ZNF573: variants seen among roughly 807,000 people sequenced by gnomAD.
ZNF573 encodes the protein zinc finger protein 573.
ZNF573 carries 41 observed loss-of-function variants against 57.4 expected under a neutral mutation model. The observed-to-expected ratio is 0.71, with a 90% CI of 0.56 to 0.93. ZNF573 has a LOEUF of 0.93. Among genes scored for constraint, ZNF573 ranks in the 40% least tolerant of loss-of-function variants. The pLI is 0.00. For missense variants in ZNF573, 730 were observed against 794.8 expected, an observed-to-expected ratio of 0.92 and a Z score of 0.98; for synonymous variants, 249 against 261.0, an observed-to-expected ratio of 0.95 and a Z score of 0.44.
intron 1 of ZNF573, among the ~76,000 whole-genome samples, chr19:37,775,926 A>C (rs2045704284): frequency 1.3e-5 from 2 of 152,146 alleles, no homozygotes; most frequent in South Asian, 4.1e-4. Flanking sequence ...ATACCTAATC[A>C]AGGAGGTGAA....
chr19:37,767,609 A>G (rs535114117), intron 4 of ZNF573, among the ~76,000 whole-genome samples: 2 of 152,248 alleles, frequency 1.3e-5, no homozygotes, highest in South Asian at 4.2e-4. Context: ...TCTGAAATAA[A>G]GTTCCTTGCC....
intron 4 of ZNF573, among the ~76,000 whole-genome samples, chr19:37,760,270 C>T (rs774348143): frequency 4.0e-5 from 6 of 151,538 alleles, no homozygotes; most frequent in African/African-American, 7.2e-5. Flanking sequence ...GATTCCAGGG[C>T]TATGGCAAAG....
chr19:37,775,831 T>A lies in ZNF573; in HGVS notation c.-22-2080A>T, dbSNP rs1337418950. On this transcript the variant is annotated intron_variant, in intron 1 of 4. Transcript: ENST00000536220. ...ATCAAATCAAGAACTCAACCTCTTT[T>A]ACAACAGCTGCAAAAAAAAAAAAAA... Among the ~76,000 whole-genome samples, 13 of 121,304 alleles carry A rather than the reference T, an allele frequency of 1.1e-4. No homozygotes were observed. The East Asian group carries it at 3.2e-3, about 30-fold the overall frequency. The allele number at this position is 121,304 out of a possible 152,430, so 79.6% of individuals were successfully genotyped here. A position where few individuals can be genotyped will look rare whatever the true frequency, so the allele number is the denominator to read the frequency against.
chr19:37,741,682 A>C (rs2045328689), intron 4 of ZNF573, among the ~76,000 whole-genome samples: 1 of 152,164 alleles, frequency 6.6e-6, no homozygotes, highest in African/African-American at 2.4e-5. Context: ...AACATATCTC[A>C]ATAATAGCTA....
In ZNF573 at chr19:37,772,441, T is replaced by C. The variant is rs2045667383; in HGVS notation, c.70-745A>G. Among the ~76,000 whole-genome samples, 5 of 151,748 alleles carry C rather than the reference T, an allele frequency of 3.3e-5. No individual in the cohort carries two copies. The South Asian group carries it at 1.0e-3, about 32-fold the overall frequency. ...AGCCACTGCACCTGGCCAATCTCCATATTTAAAAAAAAAAGCTTTTGCAGA... is the reference window on the plus strand; with the variant it reads ...AGCCACTGCACCTGGCCAATCTCCACATTTAAAAAAAAAAGCTTTTGCAGA... On this transcript the variant is annotated intron_variant, in intron 2 of 4. Coordinates refer to ENST00000536220, the MANE Select transcript of ZNF573 (RefSeq NM_001172690.2).
intron 4 of ZNF573, among the ~76,000 whole-genome samples, chr19:37,743,774 G>A (rs1167290639): frequency 6.6e-6 from 1 of 152,196 alleles, no homozygotes; most frequent in Non-Finnish European, 1.5e-5. Flanking sequence ...TAAAGAAAAT[G>A]TGGTACATAT....
At chr19:37,746,520 A>G (rs2045383972) in intron 4 of ZNF573, among the ~76,000 whole-genome samples, 1 of 152,316 alleles carries the variant, frequency 6.6e-6, no homozygotes, top group East Asian at 1.9e-4. Flanking sequence ...TGGATAGACA[A>G]AAAGACAATT....
intron 4 of ZNF573, among the ~76,000 whole-genome samples, chr19:37,746,741 G>A (rs1368105909): frequency 6.6e-6 from 1 of 152,004 alleles, no homozygotes; most frequent in South Asian, 2.1e-4. Context: ...GCGCCTCCAC[G>A]CCCAGCTAAT....
chr19:37,745,871 C>A (rs1415630663), intron 4 of ZNF573, among the ~76,000 whole-genome samples: 1 of 152,106 alleles, frequency 6.6e-6, no homozygotes, highest in Non-Finnish European at 1.5e-5. Flanking sequence ...GTCTGATTAA[C>A]CAAAGACAAT....
intron 4 of ZNF573, among the ~76,000 whole-genome samples, chr19:37,764,390 G>C (rs1053777064): frequency 6.8e-6 from 1 of 146,642 alleles, no homozygotes; most frequent in African/African-American, 2.5e-5. Flanking sequence ...GCCCGATCTC[G>C]GCTCACTGCA....
At chr19:37,755,666 T>A (rs2045480688) in intron 4 of ZNF573, among the ~76,000 whole-genome samples, 1 of 151,934 alleles carries the variant, frequency 6.6e-6, no homozygotes. Context: ...TGGCCTTAAA[T>A]ACTGAAGAGA....
intron 4 of ZNF573, among the ~76,000 whole-genome samples, chr19:37,767,364 G>T (rs1423267696): frequency 1.3e-5 from 2 of 152,056 alleles, no homozygotes; most frequent in Non-Finnish European, 2.9e-5. Context: ...GAGTAGCTGG[G>T]ACTACAGGCG....
At chr19:37,747,537 T>TA (rs1426962300) in intron 4 of ZNF573, among the ~76,000 whole-genome samples, 2 of 152,206 alleles carry the variant, frequency 1.3e-5, no homozygotes, top group Non-Finnish European at 2.9e-5. Flanking sequence ...GGGCTAGACT[T>TA]AACAAGTTGT....
At chr19:37,743,407 A>G (rs983509516) in intron 4 of ZNF573, among the ~76,000 whole-genome samples, 3 of 152,152 alleles carry the variant, frequency 2.0e-5, no homozygotes, top group Non-Finnish European at 2.9e-5. Flanking sequence ...ATCAGAGATC[A>G]TCAGAGAAAT....
intron 2 of ZNF573, chr19:37,772,926 T>C: frequency 1.0e-6 from 1 of 985,108 alleles, no homozygotes; most frequent in Non-Finnish European, 1.2e-6. Flanking sequence ...TGAGCCACCG[T>C]AGCTAGCCTA....
rs1346164067 is a variant in ZNF573 at position 37,739,836 on chromosome 19, A to G, written c.654T>C (p.Tyr218=). 132 of 1,613,952 alleles carry G rather than the reference A, an allele frequency of 8.2e-5. No homozygotes were observed. The highest frequency in any genetic ancestry group is 1.1e-4 in the Non-Finnish European group (131 of 1,179,962). ...AGGCCTTCCCACACTGCCTACATTC[A>G]TAGGTTTTCTCACCAGTATGAAATC... ...HQRFHTGEKT[Y]ECRQCGKAFI... Residue 218 remains tyrosine, a synonymous_variant, in exon 5 of 5, where the codon TAT becomes TAC. Coordinates refer to ENST00000536220, the MANE Select transcript of ZNF573 (RefSeq NM_001172690.2).
chr19:37,749,062 A>T (rs903921858), intron 4 of ZNF573, among the ~76,000 whole-genome samples: 1 of 152,072 alleles, frequency 6.6e-6, no homozygotes, highest in African/African-American at 2.4e-5. Context: ...AGTAGATAAG[A>T]CTACATTACT....
chr19:37,757,138 G>A (rs1303307887), intron 4 of ZNF573, among the ~76,000 whole-genome samples: 1 of 151,836 alleles, frequency 6.6e-6, no homozygotes, highest in South Asian at 2.1e-4. Flanking sequence ...TACTCATCAA[G>A]GCTCCAAGTA....
chr19:37,771,858 C>T (rs1282876491), intron 2 of ZNF573, among the ~76,000 whole-genome samples, 162 bp from the exon 3 acceptor site: 5 of 152,148 alleles, frequency 3.3e-5, no homozygotes, highest in Admixed American at 2.0e-4. Context: ...ATCCTATTGC[C>T]ACAGGATCCT....
Sources: gnomAD v4.1 joint callset for allele counts (sites outside exome capture counted in the v4.1 genomes callset) on GRCh38, gnomAD v4.1.1 for gene constraint, MANE v1.5 for transcripts, NCBI Gene and HGNC (gene_info 2026-07-23, HGNC 2026-07-21) for gene names.